Variants in CDH7 observed in about 807,000 individuals in gnomAD.
CDH7 encodes the protein cadherin-7.
A neutral mutation model predicts 71.8 loss-of-function variants in CDH7; 25 were observed. The observed-to-expected ratio is 0.35, with a 90% CI of 0.25 to 0.49. The LOEUF (loss-of-function observed/expected upper bound fraction) is 0.49, where lower values mean the gene tolerates loss of function less well. Ranked by LOEUF, CDH7 falls within the 20% of genes least tolerant of loss-of-function variation. The pLI is 0.99. For missense variants in CDH7, 862 were observed against 974.6 expected (o/e 0.88, Z 1.54); for synonymous variants, 381 against 363.8 (o/e 1.05, Z -0.54).
chr18:65,866,484 AT>A, intron 11 of CDH7: 3 of 152,202 alleles, frequency 2.0e-5, no homozygotes, highest in Admixed American at 2.0e-4. Context: ...ATGCACTGAC[AT>A]TACCAGAAGT....
At chr18:65,834,300 G>T (rs551222298) in intron 6 of CDH7, among the ~76,000 whole-genome samples, 1 of 152,266 alleles carries the variant, frequency 6.6e-6, no homozygotes, top group South Asian at 2.1e-4. Flanking sequence ...AGGTAAATAT[G>T]TCTAAGAAGT....
chr18:65,823,743 A>G (rs1252614779), intron 5 of CDH7, among the ~76,000 whole-genome samples: 1 of 151,960 alleles, frequency 6.6e-6, no homozygotes, highest in African/African-American at 2.4e-5. Context: ...TTTCCTTTCT[A>G]TATTCTTCTC....
rs1912651488 is a variant in CDH7 at position 65,839,493 on chromosome 18, T to G, written c.982-4319T>G. Among the ~76,000 whole-genome samples, 4 of 152,210 alleles carry G rather than the reference T, an allele frequency of 2.6e-5. No homozygotes were observed. In the South Asian group the frequency reaches 8.3e-4, roughly 32 times the overall value. ...GTCCCACCTCCTAATGGCATCACCT[T>G]GGGGGTTAGGATTTGAACATATGAA... is the stretch of plus-strand genomic sequence containing the variant. On this transcript the variant is annotated intron_variant, in intron 6 of 11. Transcript: ENST00000397968.
At chr18:65,816,944 C>T (rs1911745120) in intron 4 of CDH7, among the ~76,000 whole-genome samples, 1 of 152,146 alleles carries the variant, frequency 6.6e-6, no homozygotes, top group Non-Finnish European at 1.5e-5. Flanking sequence ...ATTTTGTAAC[C>T]TGCAAGCAAA....
chr18:65,849,247 C>A (rs568349112), intron 7 of CDH7, among the ~76,000 whole-genome samples: 4 of 151,918 alleles, frequency 2.6e-5, no homozygotes, highest in Admixed American at 2.6e-4. Flanking sequence ...GAAAACATAG[C>A]GTGTTTTCAT....
intron 2 of CDH7, among the ~76,000 whole-genome samples, chr18:65,767,471 G>A (rs1247009352): frequency 1.3e-5 from 2 of 152,164 alleles, no homozygotes; most frequent in African/African-American, 2.4e-5. Context: ...CGACAAGAAA[G>A]AGCATAGTCA....
intron 11 of CDH7, chr18:65,866,053 A>C (rs1599062438): frequency 1.8e-5 from 1 of 55,902 alleles, no homozygotes; most frequent in Admixed American, 2.4e-4. Context: ...TAATCCCAGC[A>C]CTTTGGGAGG....
At position 65,884,169 on chromosome 18, in the gene CDH7, A is replaced by G. The variant is rs1914308853; in HGVS notation, c.*3275A>G. 1 of 152,180 alleles carries G rather than the reference A, an allele frequency of 6.6e-6. No homozygotes were observed. Among genetic ancestry groups the G allele is most frequent in the African/African-American group, 2.4e-5 (1 of 41,442 alleles). 9.4% of individuals were successfully genotyped at this position (152,180 alleles called of 1,614,324 possible). On this transcript the variant is annotated 3_prime_UTR_variant, in exon 12 of 12. Coordinates refer to ENST00000397968, the MANE Select transcript of CDH7 (RefSeq NM_004361.5). ...CATTATTAAAAATCAACATAAAAAT[A>G]TAAAAATCAAATCTTAAGGAAATGG...
upstream of CDH7, chr18:65,750,438 T>C (rs1915829020): frequency 6.6e-6 from 1 of 152,230 alleles, no homozygotes; most frequent in African/African-American, 2.4e-5. Flanking sequence ...AGCTCCGTGC[T>C]TTCAGATGCA....
intron 5 of CDH7, among the ~76,000 whole-genome samples, chr18:65,823,797 AC>A (rs549127186): frequency 0.025 from 3,875 of 151,998 alleles, 162 homozygotes; most frequent in African/African-American, 0.089. Context: ...GGACAAATGC[AC>A]CACAATTTAA....
At chr18:65,831,857 T>A (rs912957090) in intron 6 of CDH7, among the ~76,000 whole-genome samples, 1 of 151,886 alleles carries the variant, frequency 6.6e-6, no homozygotes, top group East Asian at 1.9e-4. Context: ...CCCAGAGTAT[T>A]TTAAAAATTA....
Position 65,844,045 on chromosome 18 carries a change from T to G in CDH7, c.1215T>G (p.Asp405Glu). Reference protein sequence around the residue: ...IIGTVAAHDPDSSNSPVRYSI... With the variant: ...IIGTVAAHDPESSNSPVRYSI... The stretch of plus-strand genomic sequence containing the variant: ...GCACTGTAGCAGCTCATGACCCAGA[T>G]TCTTCCAATAGCCCTGTGAGGTAAA... The change falls in exon 7 of 12, where the codon GAT becomes GAG. Residue 405 changes from aspartate to glutamate, a missense_variant. By Grantham distance (45) the Asp-to-Glu change is conservative. Coordinates refer to ENST00000397968, the MANE Select transcript of CDH7 (RefSeq NM_004361.5). The G allele has an allele frequency of 6.2e-7, 1 of 1,613,024 alleles. No individual in the cohort carries two copies. The highest frequency in any genetic ancestry group is 2.2e-5 in the East Asian group (1 of 44,862).
upstream of CDH7, chr18:65,750,795 G>A: frequency 6.6e-6 from 1 of 152,402 alleles, no homozygotes; most frequent in Non-Finnish European, 1.5e-5. Flanking sequence ...TCTCCTGCGC[G>A]CCCTCTCGCC....
At chr18:65,758,060 G>A (rs577967174) in intron 1 of CDH7, among the ~76,000 whole-genome samples, 1 of 152,264 alleles carries the variant, frequency 6.6e-6, no homozygotes, top group South Asian at 2.1e-4. Flanking sequence ...TACTGACTCT[G>A]TACTCAAGTT....
rs565691220 is a variant in CDH7 at position 65,889,510 on chromosome 18, C to T, written c.*8616C>T. Reference sequence around the variant, plus strand: ...GTAGTCAAAAATGACCAAACACAGACGATAACCCACCATGAAGGAGATGGT... The same window carrying T: ...GTAGTCAAAAATGACCAAACACAGATGATAACCCACCATGAAGGAGATGGT... On this transcript the variant is annotated 3_prime_UTR_variant, in exon 12 of 12. Transcript: ENST00000397968. The T allele has an allele frequency of 4.9e-4, 74 of 152,226 alleles. No individual in the cohort carries two copies. The highest frequency in any genetic ancestry group is 1.6e-3 in the African/African-American group (67 of 41,530). 9.4% of individuals were successfully genotyped at this position (152,226 alleles called of 1,614,324 possible).
At chr18:65,833,605 T>C (rs1165251065) in intron 6 of CDH7, among the ~76,000 whole-genome samples, 1 of 152,190 alleles carries the variant, frequency 6.6e-6, no homozygotes, top group Non-Finnish European at 1.5e-5. Flanking sequence ...ATTCAATCAT[T>C]GTTACTATGT....
intron 10 of CDH7, among the ~76,000 whole-genome samples, chr18:65,861,599 A>G (rs1332223046): frequency 6.6e-6 from 1 of 152,144 alleles, no homozygotes; most frequent in Non-Finnish European, 1.5e-5. Context: ...TTACATAAAA[A>G]TCTACCAGAT....
At chr18:65,758,490 T>C (rs1033630286) in intron 1 of CDH7, among the ~76,000 whole-genome samples, 1 of 152,192 alleles carries the variant, frequency 6.6e-6, no homozygotes, top group African/African-American at 2.4e-5. Context: ...CATCCTCACT[T>C]CAGATCACAA....
At position 65,858,960 on chromosome 18, in the gene CDH7, A is replaced by G. The variant is rs747350932; in HGVS notation, c.1408A>G (p.Ile470Val). The change falls in exon 9 of 12, where the codon ATC (isoleucine) becomes GTC (valine). Residue 470 changes from isoleucine to valine, a missense_variant. Ile to Val is a conservative substitution (Grantham distance 29). Transcript: ENST00000397968. ...PSQVGRGYVAITILDINDNAP... is the reference protein window; with the variant it reads ...PSQVGRGYVAVTILDINDNAP... Reference sequence around the variant, plus strand: ...TCAAGTAGGAAGAGGCTATGTGGCCATCACTATACTTGACATCAATGATAA... The same window carrying G: ...TCAAGTAGGAAGAGGCTATGTGGCCGTCACTATACTTGACATCAATGATAA... 1 of 1,611,910 alleles carries G rather than the reference A, an allele frequency of 6.2e-7. No homozygotes were observed.
Sources: allele counts gnomAD v4.1 joint callset (sites outside exome capture counted in the v4.1 genomes callset), GRCh38; gene constraint gnomAD v4.1.1; transcripts MANE v1.5; gene names NCBI Gene and HGNC (gene_info 2026-07-23, HGNC 2026-07-21).